The following THSD7A variants were observed in gnomAD, a reference collection of about 807,000 sequenced individuals.
The protein encoded by THSD7A is thrombospondin type 1 domain containing 7A.
THSD7A carries 96 observed loss-of-function variants against 231.3 expected under a neutral mutation model. The ratio of observed to expected loss-of-function variants is 0.41; its 90% CI spans 0.35 to 0.49. The LOEUF is 0.49. Ranked by LOEUF, THSD7A falls within the 20% of genes least tolerant of loss-of-function variation. The pLI is 0.05. For missense variants in THSD7A, 2,290 were observed against 2,070.2 expected, an observed-to-expected ratio of 1.11 and a Z score of -2.06; for synonymous variants, 940 against 743.3, an observed-to-expected ratio of 1.26 and a Z score of -4.30.
chr7:11,435,470 C>A (rs149203264), intron 13 of THSD7A, among the ~76,000 whole-genome samples: 1 of 152,098 alleles, frequency 6.6e-6, no homozygotes, highest in African/African-American at 2.4e-5. Context: ...ACCTTTAAGA[C>A]GAGAGAGATT....
intron 2 of THSD7A, among the ~76,000 whole-genome samples, chr7:11,631,652 A>G (rs1270039914): frequency 6.6e-6 from 1 of 152,190 alleles, no homozygotes; most frequent in Non-Finnish European, 1.5e-5. Flanking sequence ...TAAAGGTTAC[A>G]GCAGAAAAAA....
intron 1 of THSD7A, among the ~76,000 whole-genome samples, chr7:11,663,307 T>C (rs553081322): frequency 1.2e-3 from 184 of 151,514 alleles, no homozygotes; most frequent in Non-Finnish European, 2.2e-3. Flanking sequence ...TTATCAAAAA[T>C]GACATTAGGA....
chr7:11,780,816 C>T (rs1583285408), intron 1 of THSD7A, among the ~76,000 whole-genome samples: 1 of 151,248 alleles, frequency 6.6e-6, no homozygotes, highest in Admixed American at 6.6e-5. Context: ...AAGGTGAAAC[C>T]CCGTCTCTAC....
chr7:11,710,183 AG>A (rs1429592593), intron 1 of THSD7A, among the ~76,000 whole-genome samples: 1 of 150,766 alleles, frequency 6.6e-6, no homozygotes, highest in Non-Finnish European at 1.5e-5. Context: ...ATTTTTAACA[AG>A]TTCTTAAATG....
At chr7:11,503,357 C>A (rs1384247278) in intron 6 of THSD7A, among the ~76,000 whole-genome samples, 1 of 152,032 alleles carries the variant, frequency 6.6e-6, no homozygotes, top group Admixed American at 6.6e-5. Flanking sequence ...CTATAAAAAC[C>A]CTGGAAGACA....
intron 1 of THSD7A, among the ~76,000 whole-genome samples, chr7:11,741,409 T>C (rs56310669): frequency 0.25 from 37,898 of 151,822 alleles, 7,443 homozygotes; most frequent in African/African-American, 0.55. Flanking sequence ...ACTCTGCCCT[T>C]TCTTCCATTG....
intron 1 of THSD7A, among the ~76,000 whole-genome samples, chr7:11,652,617 C>G (rs1245976376): frequency 6.6e-6 from 1 of 151,772 alleles, no homozygotes; most frequent in South Asian, 2.1e-4. Flanking sequence ...TTTAATGTAT[C>G]AAAATTGGTT....
intron 2 of THSD7A, among the ~76,000 whole-genome samples, chr7:11,615,871 A>G (rs1422738687): frequency 1.3e-5 from 2 of 152,096 alleles, no homozygotes; most frequent in African/African-American, 2.4e-5. Flanking sequence ...GTCTTGTTTT[A>G]ATGAAGGAAA....
intron 1 of THSD7A, among the ~76,000 whole-genome samples, chr7:11,683,152 A>G (rs1783934014): frequency 6.6e-6 from 1 of 151,832 alleles, no homozygotes; most frequent in Non-Finnish European, 1.5e-5. Flanking sequence ...AATCATGCCA[A>G]GCATATTCTT....
Position 11,411,904 on chromosome 7 carries a change from A to AT in THSD7A, c.3683-583dup, listed in dbSNP as rs140836049. Among the ~76,000 whole-genome samples the AT allele has an allele frequency of 1.1e-3, 162 of 147,864 alleles. No individual in the cohort carries two copies. Among genetic ancestry groups the AT allele is most frequent in the South Asian group, 1.3e-3 (6 of 4,668 alleles). On this transcript the variant is annotated intron_variant, in intron 18 of 27. Coordinates refer to ENST00000423059, the MANE Select transcript of THSD7A (RefSeq NM_015204.3). The surrounding 1 kb of genome is among the most constrained non-coding windows in gnomAD (Gnocchi z 4.1). Reference sequence around the variant, plus strand: ...ACATAGCACATCCCAGATAACTGTGATTTTTTTTTTTTGTATCATCAAAGG... The same window carrying AT: ...ACATAGCACATCCCAGATAACTGTGATTTTTTTTTTTTTGTATCATCAAAGG...
Position 11,831,335 on chromosome 7 carries a change from C to A in THSD7A, c.190+422G>T, listed in dbSNP as rs1785185558. Among the ~76,000 whole-genome samples the A allele has an allele frequency of 6.6e-6, 1 of 152,186 alleles. No homozygotes were observed. Among genetic ancestry groups the A allele is most frequent in the Non-Finnish European group, 1.5e-5 (1 of 68,032 alleles). On this transcript the variant is annotated intron_variant, in intron 1 of 27. Transcript: ENST00000423059. The surrounding 1 kb of genome is among the most constrained non-coding windows in gnomAD (Gnocchi z 5.0). The stretch of plus-strand genomic sequence containing the variant: ...CCACATATCACAAAGCTAAAGTTAA[C>A]AAATTCAACTCTATATCCACAAATG...
At chr7:11,506,386 G>C (rs10226522) in intron 6 of THSD7A, among the ~76,000 whole-genome samples, 44,156 of 152,022 alleles carry the variant, frequency 0.29, 6,606 homozygotes, top group South Asian at 0.42. Flanking sequence ...CTTGCTTTCT[G>C]TGGCCATTAT....
chr7:11,754,883 T>C (rs763797413), intron 1 of THSD7A, among the ~76,000 whole-genome samples: 1 of 151,962 alleles, frequency 6.6e-6, no homozygotes, highest in Non-Finnish European at 1.5e-5. Context: ...ACGCAGACAC[T>C]GACACCAACA....
At chr7:11,674,534 C>T (rs180913636) in intron 1 of THSD7A, among the ~76,000 whole-genome samples, 18 of 152,230 alleles carry the variant, frequency 1.2e-4, no homozygotes, top group South Asian at 6.2e-4. Flanking sequence ...GCAAAAAGCA[C>T]GAACTGTGAA....
chr7:11,828,285 C>T, intron 1 of THSD7A, among the ~76,000 whole-genome samples: 1 of 152,206 alleles, frequency 6.6e-6, no homozygotes, highest in East Asian at 1.9e-4. Context: ...GCTTGAGGTG[C>T]TGTGTACTAC....
chr7:11,762,394 A>G (rs1782893679), intron 1 of THSD7A, among the ~76,000 whole-genome samples: 1 of 152,056 alleles, frequency 6.6e-6, no homozygotes, highest in Admixed American at 6.6e-5. Context: ...CATCCTAGCT[A>G]TGATTTATTA....
intron 2 of THSD7A, among the ~76,000 whole-genome samples, chr7:11,626,139 A>G (rs1781466713): frequency 6.6e-6 from 1 of 152,154 alleles, no homozygotes; most frequent in Non-Finnish European, 1.5e-5. Context: ...AAGGTTTAAA[A>G]TACTACCTAG....
chr7:11,435,593 T>C (rs1784607696), intron 13 of THSD7A, among the ~76,000 whole-genome samples: 1 of 152,062 alleles, frequency 6.6e-6, no homozygotes, highest in Non-Finnish European at 1.5e-5. Flanking sequence ...TGCACATCAG[T>C]GTGCTAAGAG....
At chr7:11,701,263 CTTTTATATACAATTCA>C (rs997601259) in intron 1 of THSD7A, among the ~76,000 whole-genome samples, 10 of 151,052 alleles carry the variant, frequency 6.6e-5, no homozygotes, top group African/African-American at 1.9e-4. Context: ...ATTATCAGAG[CTTTTATATACAATTCA>C]TTTTATATAC....
Sources: gnomAD v4.1 joint callset for allele counts (sites outside exome capture counted in the v4.1 genomes callset) on GRCh38, gnomAD v4.1.1 for gene constraint, Gnocchi (gnomAD v3.1) non-coding constraint, MANE v1.5 for transcripts, NCBI Gene and HGNC (gene_info 2026-07-23, HGNC 2026-07-21) for gene names.